NSMCE2: variants seen among roughly 807,000 people sequenced by gnomAD.
NSMCE2 encodes NSE2 SUMO ligase component of SMC5/6 complex.
A neutral mutation model predicts 23.8 loss-of-function variants in NSMCE2; 24 were observed. That is an observed-to-expected ratio of 1.01 (90% CI 0.73 to 1.42). The LOEUF (loss-of-function observed/expected upper bound fraction) is 1.42. Among genes scored for constraint, NSMCE2 ranks in the 40% most tolerant of loss-of-function variants. The pLI, the probability that NSMCE2 is intolerant of heterozygous loss-of-function variation, is 0.00. For synonymous variants in NSMCE2, 92 were observed against 94.1 expected (o/e 0.98, Z 0.13); for missense variants, 284 against 296.5 (o/e 0.96, Z 0.31).
chr8:125,344,131 T>C (rs894176452), intron 5 of NSMCE2, among the ~76,000 whole-genome samples: 19 of 152,200 alleles, frequency 1.2e-4, no homozygotes, highest in African/African-American at 4.3e-4. Flanking sequence ...AGTTGAGCAA[T>C]TGTAAATCTT....
chr8:125,172,628 G>A (rs187280160), intron 4 of NSMCE2, among the ~76,000 whole-genome samples: 3 of 152,208 alleles, frequency 2.0e-5, no homozygotes, highest in Non-Finnish European at 2.9e-5. Flanking sequence ...GCCTTATGTC[G>A]CTCTACAACT....
At chr8:125,297,795 A>G (rs1828387130) in intron 5 of NSMCE2, among the ~76,000 whole-genome samples, 1 of 152,118 alleles carries the variant, frequency 6.6e-6, no homozygotes, top group Non-Finnish European at 1.5e-5. Flanking sequence ...TGATTGTGCC[A>G]CTGCACTCCA....
At chr8:125,098,967 A>G (rs1217964330) in intron 1 of NSMCE2, among the ~76,000 whole-genome samples, 1 of 152,156 alleles carries the variant, frequency 6.6e-6, no homozygotes, top group African/African-American at 2.4e-5. Context: ...CATACCACCT[A>G]TACTACAGTT....
At chr8:125,331,266 C>G (rs2131298922) in intron 5 of NSMCE2, among the ~76,000 whole-genome samples, 2 of 152,250 alleles carry the variant, frequency 1.3e-5, no homozygotes, top group Middle Eastern at 6.8e-3. Flanking sequence ...CGCCACTGCA[C>G]TCCAGCCTGG....
At chr8:125,241,107 G>A (rs190152660) in intron 5 of NSMCE2, among the ~76,000 whole-genome samples, 1 of 152,312 alleles carries the variant, frequency 6.6e-6, no homozygotes, top group East Asian at 1.9e-4. Flanking sequence ...AAAATCTGAA[G>A]TCCAAAATGC....
chr8:125,287,334 A>G (rs1295120662), intron 5 of NSMCE2, among the ~76,000 whole-genome samples: 1 of 152,188 alleles, frequency 6.6e-6, no homozygotes, highest in Non-Finnish European at 1.5e-5. Flanking sequence ...TCTGTCTCAA[A>G]AAATATAAAA....
chr8:125,322,664 A>G (rs1287901165), intron 5 of NSMCE2, among the ~76,000 whole-genome samples: 1 of 152,222 alleles, frequency 6.6e-6, no homozygotes, highest in Non-Finnish European at 1.5e-5. Context: ...TTGGAAAAGG[A>G]GTAGTAAAAT....
At chr8:125,242,890 C>T (rs1825812611) in intron 5 of NSMCE2, among the ~76,000 whole-genome samples, 1 of 152,190 alleles carries the variant, frequency 6.6e-6, no homozygotes, top group African/African-American at 2.4e-5. Flanking sequence ...CAGTGATAGA[C>T]AAGGAGAGGA....
chr8:125,226,576 C>T (rs1350317408), intron 5 of NSMCE2, among the ~76,000 whole-genome samples: 1 of 152,080 alleles, frequency 6.6e-6, no homozygotes, highest in Non-Finnish European at 1.5e-5. Context: ...GCCTTGTGAT[C>T]CACTCGGATT....
chr8:125,219,402 G>A (rs1033069068), intron 5 of NSMCE2, among the ~76,000 whole-genome samples: 1 of 152,154 alleles, frequency 6.6e-6, no homozygotes, highest in Non-Finnish European at 1.5e-5. Context: ...TTAACACAGT[G>A]CCTGGCAGTA....
intron 5 of NSMCE2, among the ~76,000 whole-genome samples, chr8:125,354,325 T>C (rs1813163433): frequency 6.6e-6 from 1 of 152,222 alleles, no homozygotes; most frequent in African/African-American, 2.4e-5. Context: ...TGACTATTAG[T>C]TTCAGCAATT....
intron 5 of NSMCE2, among the ~76,000 whole-genome samples, chr8:125,350,515 G>A (rs533264209): frequency 6.6e-6 from 1 of 152,278 alleles, no homozygotes; most frequent in South Asian, 2.1e-4. Context: ...TGTTGATAAA[G>A]ACATACCTGA....
At chr8:125,284,197 TAA>T (rs34193294) in intron 5 of NSMCE2, among the ~76,000 whole-genome samples, 56 of 141,156 alleles carry the variant, frequency 4.0e-4, no homozygotes, top group Middle Eastern at 3.6e-3. Flanking sequence ...ATTTAGAGAG[TAA>T]AAAAAAAAAA....
At chr8:125,220,221 A>G (rs978384793) in intron 5 of NSMCE2, among the ~76,000 whole-genome samples, 8 of 152,164 alleles carry the variant, frequency 5.3e-5, no homozygotes, top group African/African-American at 1.9e-4. Flanking sequence ...ATCTAAAACT[A>G]TATATATGAG....
chr8:125,156,436 A>G (rs1423063432), intron 4 of NSMCE2, among the ~76,000 whole-genome samples: 1 of 152,184 alleles, frequency 6.6e-6, no homozygotes, highest in Non-Finnish European at 1.5e-5. Context: ...ATTTTAAAGC[A>G]TTTATATTGG....
At chr8:125,287,772 A>T (rs748220890) in intron 5 of NSMCE2, among the ~76,000 whole-genome samples, 1 of 152,086 alleles carries the variant, frequency 6.6e-6, no homozygotes, top group Non-Finnish European at 1.5e-5. Context: ...TTACTCCTTA[A>T]CATTGGCAGC....
intron 3 of NSMCE2, 45 bp from the exon 4 acceptor site, chr8:125,151,126 G>A (rs1280356314): frequency 1.0e-6 from 1 of 989,382 alleles, no homozygotes; most frequent in African/African-American, 1.6e-5. Flanking sequence ...TCCAGATATG[G>A]CATTTTAAAT....
intron 5 of NSMCE2, among the ~76,000 whole-genome samples, chr8:125,319,607 GAA>G (rs1563782019): frequency 6.6e-6 from 1 of 152,012 alleles, no homozygotes; most frequent in Non-Finnish European, 1.5e-5. Context: ...TGAAATTTTT[GAA>G]AAGATAAAAC....
chr8:125,105,945 G>GA (rs996591620), intron 3 of NSMCE2, among the ~76,000 whole-genome samples: 2 of 151,926 alleles, frequency 1.3e-5, no homozygotes, highest in Non-Finnish European at 2.9e-5. Flanking sequence ...AGTTATATGG[G>GA]AAAAAAAGTG....
Sources: gnomAD v4.1 joint callset for allele counts (sites outside exome capture counted in the v4.1 genomes callset) on GRCh38, gnomAD v4.1.1 for gene constraint, MANE v1.5 for transcripts, NCBI Gene and HGNC (gene_info 2026-07-23, HGNC 2026-07-21) for gene names.